Variants in SERPINB7 observed in about 807,000 individuals in gnomAD.
SERPINB7 encodes serpin family B member 7, also known as serpin B7.
In SERPINB7, 31 loss-of-function variants were observed where a neutral mutation model predicts 37.4. That is an observed-to-expected ratio of 0.83 (90% CI 0.62 to 1.12). The LOEUF (loss-of-function observed/expected upper bound fraction) is 1.12, where lower values mean the gene tolerates loss of function less well. Ranked by LOEUF, SERPINB7 falls within the 50% of genes most tolerant of loss-of-function variation. The pLI, the probability that SERPINB7 is intolerant of heterozygous loss-of-function variation, is 0.00. For missense variants in SERPINB7, 521 were observed against 455.3 expected, an observed-to-expected ratio of 1.14 and a Z score of -1.31; for synonymous variants, 163 against 166.1, an observed-to-expected ratio of 0.98 and a Z score of 0.14.
intron 1 of SERPINB7, among the ~76,000 whole-genome samples, chr18:63,758,257 T>A (rs150054625): frequency 5.9e-5 from 9 of 152,280 alleles, no homozygotes; most frequent in African/African-American, 1.7e-4. Flanking sequence ...GTTGTTACCA[T>A]GACTTATCCC....
At chr18:63,793,956 C>G (rs910551805) in intron 4 of SERPINB7, among the ~76,000 whole-genome samples, 3 of 151,650 alleles carry the variant, frequency 2.0e-5, no homozygotes, top group African/African-American at 7.3e-5. Context: ...CTCTCTCTCT[C>G]TCTTTTAGAC....
chr18:63,766,106 T>C (rs1369907166), intron 1 of SERPINB7, among the ~76,000 whole-genome samples: 2 of 152,108 alleles, frequency 1.3e-5, no homozygotes, highest in Non-Finnish European at 1.5e-5. Context: ...AACAACTGTG[T>C]AACTCCTCTC....
intron 2 of SERPINB7, among the ~76,000 whole-genome samples, chr18:63,786,806 C>T (rs2049378016): frequency 6.6e-6 from 1 of 151,932 alleles, no homozygotes. Context: ...ATAGAAACAC[C>T]AAAGAATTAG....
intron 1 of SERPINB7, 99 bp from the exon 2 acceptor site, chr18:63,782,256 A>C (rs2049307715): frequency 1.2e-6 from 1 of 818,640 alleles, no homozygotes; most frequent in Admixed American, 4.0e-5. Flanking sequence ...AGGCTGAAAA[A>C]AAATGAAGCT....
upstream of SERPINB7, among the ~76,000 whole-genome samples, chr18:63,774,995 T>A (rs1042288569): frequency 6.6e-6 from 1 of 152,116 alleles, no homozygotes; most frequent in Non-Finnish European, 1.5e-5. Context: ...TAGGGAAATT[T>A]ACACAGGATA....
chr18:63,783,186 A>AAGAGAGAGAG (rs1200340375), intron 2 of SERPINB7, among the ~76,000 whole-genome samples: 12 of 75,314 alleles, frequency 1.6e-4, no homozygotes, highest in South Asian at 4.9e-4. Context: ...GAAAGAAAGA[A>AAGAGAGAGAG]AGAGAGAGAG....
At chr18:63,753,642 A>T (rs901624629) in intron 1 of SERPINB7, among the ~76,000 whole-genome samples, 1 of 152,214 alleles carries the variant, frequency 6.6e-6, no homozygotes, top group Non-Finnish European at 1.5e-5. Context: ...GACAAGTTAC[A>T]TGCCAACTCC....
chr18:63,771,149 T>A (rs1277955918), upstream of SERPINB7, among the ~76,000 whole-genome samples: 2 of 152,026 alleles, frequency 1.3e-5, no homozygotes, highest in African/African-American at 4.8e-5. Flanking sequence ...GCATAATTGT[T>A]GTGAGGAAAC....
intron 2 of SERPINB7, among the ~76,000 whole-genome samples, chr18:63,786,126 T>A (rs1436583343): frequency 7.7e-6 from 1 of 129,640 alleles, no homozygotes; most frequent in Non-Finnish European, 1.6e-5. Flanking sequence ...TGTATATATA[T>A]ACGTATATAC....
chr18:63,764,420 G>C (rs1479001922), intron 1 of SERPINB7, among the ~76,000 whole-genome samples: 1 of 152,162 alleles, frequency 6.6e-6, no homozygotes, highest in Non-Finnish European at 1.5e-5. Flanking sequence ...CTGCTTATTT[G>C]AGCTCTGACT....
intron 4 of SERPINB7, among the ~76,000 whole-genome samples, chr18:63,795,564 CA>C (rs1568213071): frequency 9.4e-6 from 1 of 106,434 alleles, no homozygotes; most frequent in African/African-American, 3.5e-5. Context: ...GACATCGTCT[CA>C]AAAAAAGAAT....
At chr18:63,771,023 A>G (rs1455987640), upstream of SERPINB7, among the ~76,000 whole-genome samples, 7 of 130,264 alleles carry the variant, frequency 5.4e-5, no homozygotes, top group Admixed American at 5.8e-4. Context: ...AAAGATGTGC[A>G]TGCAGTTTGC....
chr18:63,759,733 C>G lies in SERPINB7; in HGVS notation c.-19+6613C>G, dbSNP rs1037504693. On this transcript the variant is annotated intron_variant, in intron 1 of 7. Coordinates refer to the SERPINB7 transcript ENST00000336429. Reference sequence around the variant, plus strand: ...TTGAATCAAGGTGGTTGGTCTTTCCCATGCTATTCTTGTCATAGTGAGTAA... The same window carrying G: ...TTGAATCAAGGTGGTTGGTCTTTCCGATGCTATTCTTGTCATAGTGAGTAA... Among the ~76,000 whole-genome samples, 40 of 152,138 alleles carry G rather than the reference C, an allele frequency of 2.6e-4. 1 individual carries two copies. The highest frequency in any genetic ancestry group is 5.4e-4 in the Non-Finnish European group (37 of 68,022).
Position 63,804,851 on chromosome 18 carries a change from C to T in SERPINB7, c.*216C>T. On this transcript the variant is annotated 3_prime_UTR_variant, in exon 8 of 8. Transcript: ENST00000398019. ...AGCATTCTACCACCATGTGTCTCACCCATTTCTAATTTCATTGTCTTTCTT... is the reference window on the plus strand; with the variant it reads ...AGCATTCTACCACCATGTGTCTCACTCATTTCTAATTTCATTGTCTTTCTT... 1.9e-6 allele frequency: 1 copy of T among 523,002 alleles called. No homozygotes were observed. The highest frequency in any genetic ancestry group is 1.9e-5 in the African/African-American group (1 of 52,636). 32.4% of individuals were successfully genotyped at this position (523,002 alleles called of 1,614,324 possible). A position where few individuals can be genotyped will look rare whatever the true frequency, so the allele number is the denominator to read the frequency against.
Position 63,796,283 on chromosome 18 carries a change from C to A in SERPINB7, c.354C>A (p.Ala118=). 6.2e-7 allele frequency: 1 copy of A among 1,609,562 alleles called. No homozygotes were observed. The highest frequency in any genetic ancestry group is 1.1e-5 in the South Asian group (1 of 90,830). The stretch of plus-strand genomic sequence containing the variant: ...CTTTATAGGACTACATTGAGTGTGC[C>A]GAAAAATTATACGATGCCAAAGTGG... ...YGFHKDYIEC[A]EKLYDAKVER... The change falls in exon 5 of 8, where the codon GCC becomes GCA. Residue 118 remains alanine, a synonymous_variant. Coordinates refer to ENST00000398019, the MANE Select transcript of SERPINB7 (RefSeq NM_003784.4).
Position 63,792,382 on chromosome 18 carries a change from C to T in SERPINB7, c.169-11C>T. 3 of 1,589,242 alleles carry T rather than the reference C, an allele frequency of 1.9e-6. No individual in the cohort carries two copies. Among genetic ancestry groups the T allele is most frequent in the South Asian group, 1.1e-5 (1 of 90,386 alleles). On this transcript the variant is annotated splice_polypyrimidine_tract_variant and intron_variant, in intron 2 of 7. Transcript: ENST00000398019. ...ATTCTAATGATTGCTTTCCTTGTGC[C>T]CTGTTTACAGTTGCTTCATGTTAAC...
chr18:63,803,484 A>G (rs1290056347), intron 7 of SERPINB7, among the ~76,000 whole-genome samples: 1 of 152,218 alleles, frequency 6.6e-6, no homozygotes, highest in African/African-American at 2.4e-5. Flanking sequence ...TTCTTATTCT[A>G]AATTGAGAAT....
At chr18:63,757,514 G>A (rs1023777362) in intron 1 of SERPINB7, among the ~76,000 whole-genome samples, 6 of 152,116 alleles carry the variant, frequency 3.9e-5, no homozygotes, top group African/African-American at 1.4e-4. Flanking sequence ...TTAGGGTAGG[G>A]GTTGGCAAAC....
At chr18:63,799,058 G>C (rs1466540929) in intron 6 of SERPINB7, among the ~76,000 whole-genome samples, 1 of 152,070 alleles carries the variant, frequency 6.6e-6, no homozygotes, top group Non-Finnish European at 1.5e-5. Context: ...TATGACAAAA[G>C]TGTATTTTTC....
Sources: allele counts gnomAD v4.1 joint callset (sites outside exome capture counted in the v4.1 genomes callset), GRCh38; gene constraint gnomAD v4.1.1; transcripts MANE v1.5; gene names NCBI Gene and HGNC (gene_info 2026-07-23, HGNC 2026-07-21).